The following AP1M1 variants were observed in gnomAD, a reference collection of about 807,000 sequenced individuals.
AP1M1 encodes the protein adaptor related protein complex 1 subunit mu 1, also known as AP-1 complex subunit mu-1.
AP1M1 carries 18 observed loss-of-function variants against 57.1 expected under a neutral mutation model. That is an observed-to-expected ratio of 0.32 (90% confidence interval 0.22 to 0.47). The LOEUF is 0.47. Among genes scored for constraint, AP1M1 ranks in the 20% least tolerant of loss-of-function variants. AP1M1 has a pLI of 1.00. For missense variants in AP1M1, 362 were observed against 593.5 expected, an observed-to-expected ratio of 0.61 and a Z score of 4.05; for synonymous variants, 241 against 237.9, an observed-to-expected ratio of 1.01 and a Z score of -0.12.
At chr19:16,233,767 G>A in intron 10 of AP1M1, 149 bp downstream of exon 10, 4 of 1,154,034 alleles carry the variant, frequency 3.5e-6, no homozygotes, top group Non-Finnish European at 4.8e-6. Context: ...CAGACAGGGT[G>A]AGGCCAGGCT....
At chr19:16,223,163 C>T (rs188660852) in intron 5 of AP1M1, among the ~76,000 whole-genome samples, 2 of 152,292 alleles carry the variant, frequency 1.3e-5, no homozygotes, top group African/African-American at 4.8e-5. Context: ...CCACAAGTTC[C>T]AATCCCCAAC....
rs2091469865 is a variant in AP1M1 at position 16,206,429 on chromosome 19, C to T, written c.267+21C>T. On this transcript the variant is annotated intron_variant, in intron 3 of 11. Transcript: ENST00000291439. This position sits in a 1 kb window ranked among gnomAD's most constrained non-coding sequence, Gnocchi z 4.3. Reference sequence around the variant, plus strand: ...TGCAGGTGAGTCTCGCTCGGAGGGGCCGTGGGCTTGGGTGGAGGTTGTCTT... The same window carrying T: ...TGCAGGTGAGTCTCGCTCGGAGGGGTCGTGGGCTTGGGTGGAGGTTGTCTT... 1 of 1,613,394 alleles carries T rather than the reference C, an allele frequency of 6.2e-7. No individual in the cohort carries two copies.
Position 16,226,558 on chromosome 19 carries a change from T to C in AP1M1, c.673+11T>C, listed in dbSNP as rs758109463. 3 of 1,573,224 alleles carry C rather than the reference T, an allele frequency of 1.9e-6. No homozygotes were observed. The highest frequency in any genetic ancestry group is 2.6e-6 in the Non-Finnish European group (3 of 1,154,278). ...TTGACAACACGGGCCGTGAGTACCCTTGCCAAGGGCCCTGCCCATGAGGAT... is the reference window on the plus strand; with the variant it reads ...TTGACAACACGGGCCGTGAGTACCCCTGCCAAGGGCCCTGCCCATGAGGAT... On this transcript the variant is annotated intron_variant, in intron 6 of 11. Transcript: ENST00000291439.
intron 5 of AP1M1, among the ~76,000 whole-genome samples, chr19:16,223,440 G>A (rs1166857069): frequency 1.3e-5 from 2 of 152,156 alleles, no homozygotes; most frequent in Non-Finnish European, 2.9e-5. Flanking sequence ...CTGATTCCTT[G>A]CGGTTTACTG....
intron 2 of AP1M1, among the ~76,000 whole-genome samples, chr19:16,204,734 G>A (rs780276415): frequency 8.5e-5 from 13 of 152,156 alleles, no homozygotes; most frequent in Non-Finnish European, 1.3e-4. Flanking sequence ...ATTCCCATGT[G>A]GGCCGTGCTG....
intron 1 of AP1M1, among the ~76,000 whole-genome samples, chr19:16,199,305 A>C (rs1473124986): frequency 6.6e-6 from 1 of 152,226 alleles, no homozygotes; most frequent in Non-Finnish European, 1.5e-5. Flanking sequence ...GGAGCTGGAC[A>C]TAAACTAGAA....
In AP1M1 at chr19:16,203,266, G is replaced by A. The variant is rs2091456042; in HGVS notation, c.43-193G>A. Among the ~76,000 whole-genome samples, 1 of 152,204 alleles carries A rather than the reference G, an allele frequency of 6.6e-6. No homozygotes were observed. The highest frequency in any genetic ancestry group is 2.4e-5 in the African/African-American group (1 of 41,444). ...AGTGGCCCCTGTGGGCATTCACACTGGGAGATGCTCTTCTCCAGGAATTCC... is the reference window on the plus strand; with the variant it reads ...AGTGGCCCCTGTGGGCATTCACACTAGGAGATGCTCTTCTCCAGGAATTCC... On this transcript the variant is annotated intron_variant, in intron 1 of 11. Coordinates refer to ENST00000291439, the MANE Select transcript of AP1M1 (RefSeq NM_032493.4). This position sits in a 1 kb window ranked among gnomAD's most constrained non-coding sequence, Gnocchi z 4.6.
In AP1M1 at chr19:16,203,112, C is replaced by T. The variant is rs375412711; in HGVS notation, c.43-347C>T. On this transcript the variant is annotated intron_variant, in intron 1 of 11. Coordinates refer to ENST00000291439, the MANE Select transcript of AP1M1 (RefSeq NM_032493.4). This position sits in a 1 kb window ranked among gnomAD's most constrained non-coding sequence, Gnocchi z 4.6. The stretch of plus-strand genomic sequence containing the variant: ...AGGCGGGAGAGCAAGGTGCGTTGGC[C>T]CGGCAAAGGCTCTGAGAAGGTCTGC... 113 of 265,680 alleles carry T rather than the reference C, an allele frequency of 4.3e-4. 2 individuals are homozygous for T. In the South Asian group the frequency reaches 4.4e-3, roughly 10 times the overall value. The allele number at this position is 265,680 out of a possible 1,614,324, so 16.5% of individuals were successfully genotyped here.
chr19:16,222,440 C>G (rs2091550391), intron 5 of AP1M1, among the ~76,000 whole-genome samples: 1 of 151,670 alleles, frequency 6.6e-6, no homozygotes, highest in African/African-American at 2.4e-5. Flanking sequence ...TCTAGAACTC[C>G]TGGGGCAAGT....
chr19:16,207,484 C>T lies in AP1M1; in HGVS notation c.268-535C>T, dbSNP rs950156208. Among the ~76,000 whole-genome samples, 1 of 152,110 alleles carries T rather than the reference C, an allele frequency of 6.6e-6. No individual in the cohort carries two copies. Among genetic ancestry groups the T allele is most frequent in the Non-Finnish European group, 1.5e-5 (1 of 68,030 alleles). ...ATGGGGGATGCGGGAAGGGGAAGGT[C>T]CTCACCCAAGGGTTGGGCTGTGCCT... On this transcript the variant is annotated intron_variant, in intron 3 of 11. Transcript: ENST00000291439. This position sits in a 1 kb window ranked among gnomAD's most constrained non-coding sequence, Gnocchi z 4.2.
chr19:16,220,914 A>G (rs1474311254), intron 5 of AP1M1, among the ~76,000 whole-genome samples: 1 of 152,064 alleles, frequency 6.6e-6, no homozygotes, highest in Non-Finnish European at 1.5e-5. Context: ...AGTCCCCCAA[A>G]TCTTTATTCC....
At position 16,207,527 on chromosome 19, in the gene AP1M1, T is replaced by A. The variant is rs2091474490; in HGVS notation, c.268-492T>A. On this transcript the variant is annotated intron_variant, in intron 3 of 11. Transcript: ENST00000291439. The surrounding 1 kb of genome is among the most constrained non-coding windows in gnomAD (Gnocchi z 4.2). ...CTGTGCCTTTCTGTTTTAGTGACGC[T>A]CCTTCCTTCAGCATTTGTGCCTGCA... Among the ~76,000 whole-genome samples, 1 of 152,190 alleles carries A rather than the reference T, an allele frequency of 6.6e-6. No individual in the cohort carries two copies. The highest frequency in any genetic ancestry group is 1.5e-5 in the Non-Finnish European group (1 of 68,024).
intron 5 of AP1M1, among the ~76,000 whole-genome samples, chr19:16,222,203 T>G (rs2091547860): frequency 7.8e-6 from 1 of 128,564 alleles, no homozygotes; most frequent in Admixed American, 7.9e-5. Context: ...ATTACTATTA[T>G]TATTATTATT....
At chr19:16,229,770 C>T (rs2091588106) in intron 9 of AP1M1, among the ~76,000 whole-genome samples, 1 of 152,188 alleles carries the variant, frequency 6.6e-6, no homozygotes, top group South Asian at 2.1e-4. Flanking sequence ...CCTAATACTC[C>T]CGTCAGCCTT....
rs1454162174 is a variant in AP1M1, at chr19:16,222,311, G to A, written c.547-4110G>A. The stretch of plus-strand genomic sequence containing the variant: ...TAGCCCCAACCTCCTGGGCTCAAGC[G>A]ATCCTTCTGCTTCAGCCTCCTGAGT... On this transcript the variant is annotated intron_variant, in intron 5 of 11. Transcript: ENST00000291439. Among the ~76,000 whole-genome samples, 3 of 150,960 alleles carry A rather than the reference G, an allele frequency of 2.0e-5. No homozygotes were observed. The East Asian group carries it at 5.9e-4, about 29-fold the overall frequency.
Position 16,197,922 on chromosome 19 carries a change from T to G in AP1M1, c.-105T>G. 1 of 940,486 alleles carries G rather than the reference T, an allele frequency of 1.1e-6. No individual in the cohort carries two copies. The highest frequency in any genetic ancestry group is 1.5e-6 in the Non-Finnish European group (1 of 665,570). The allele number at this position is 940,486 out of a possible 1,614,324, so 58.3% of individuals were successfully genotyped here. On this transcript the variant is annotated 5_prime_UTR_variant, in exon 1 of 12. Transcript: ENST00000291439. Reference sequence around the variant, plus strand: ...CGGCTCCCCGAACCGGAAGTGGAGGTGAGCTGTCGCGGGCGGCGCCCGGCC... The same window carrying G: ...CGGCTCCCCGAACCGGAAGTGGAGGGGAGCTGTCGCGGGCGGCGCCCGGCC...
intron 1 of AP1M1, among the ~76,000 whole-genome samples, chr19:16,201,904 G>A (rs939577817): frequency 5.3e-5 from 8 of 152,186 alleles, no homozygotes; most frequent in African/African-American, 1.9e-4. Context: ...GTCCTTGGGA[G>A]CCATGGGGAC....
At position 16,245,542 on chromosome 19, in the gene AP1M1, A is replaced by C. The variant is rs1406687913; in HGVS notation, c.*11107A>C. ...GTGATCCACCTGCCTCGGCCTCCCAAAGTGCGGGGAGACCAGAATTCCACC... is the reference window on the plus strand; with the variant it reads ...GTGATCCACCTGCCTCGGCCTCCCACAGTGCGGGGAGACCAGAATTCCACC... On this transcript the variant is annotated 3_prime_UTR_variant, in exon 12 of 12. Transcript: ENST00000291439. The C allele has an allele frequency of 1.3e-5, 2 of 152,436 alleles. No homozygotes were observed. The highest frequency in any genetic ancestry group is 2.9e-5 in the Non-Finnish European group (2 of 68,054). The allele number at this position is 152,436 out of a possible 1,614,324, so 9.4% of individuals were successfully genotyped here. A position where few individuals can be genotyped will look rare whatever the true frequency, so the allele number is the denominator to read the frequency against.
chr19:16,231,549 C>T (rs2091598346), intron 9 of AP1M1, among the ~76,000 whole-genome samples: 1 of 152,056 alleles, frequency 6.6e-6, no homozygotes, highest in Admixed American at 6.5e-5. Flanking sequence ...CCTGCCTCAG[C>T]CTCCCAAGTA....
Sources: allele counts gnomAD v4.1 joint callset (sites outside exome capture counted in the v4.1 genomes callset), GRCh38; gene constraint gnomAD v4.1.1; non-coding constraint Gnocchi (gnomAD v3.1); transcripts MANE v1.5; gene names NCBI Gene and HGNC (gene_info 2026-07-23, HGNC 2026-07-21).